The following CRACDL variants were observed in gnomAD, a reference collection of about 807,000 sequenced individuals.
CRACDL encodes CRACD-like protein.
CRACDL carries 26 observed loss-of-function variants against 70.6 expected under a neutral mutation model. That is an observed-to-expected ratio of 0.37 (90% confidence interval 0.27 to 0.51). The LOEUF (loss-of-function observed/expected upper bound fraction) is 0.51, where lower values mean the gene tolerates loss of function less well. Among genes scored for constraint, CRACDL ranks in the 20% least tolerant of loss-of-function variants. The pLI is 0.94. For missense variants in CRACDL, 1,283 were observed against 1,376.9 expected, an observed-to-expected ratio of 0.93 and a Z score of 1.08; for synonymous variants, 618 against 615.2, an observed-to-expected ratio of 1.00 and a Z score of -0.07.
chr2:98,887,985 T>C (rs1377473828), intron 1 of CRACDL, among the ~76,000 whole-genome samples: 1 of 152,188 alleles, frequency 6.6e-6, no homozygotes, highest in African/African-American at 2.4e-5. Flanking sequence ...GTTTTGGAAC[T>C]AGATACATGT....
At chr2:98,869,195 CCT>C (rs1707253541) in intron 1 of CRACDL, 1 of 1,303,942 alleles carries the variant, frequency 7.7e-7, no homozygotes, top group Admixed American at 2.3e-5. Flanking sequence ...GCCTCCCTTT[CCT>C]CTGAGTGGCC....
chr2:98,896,304 G>A (rs1258146391), intron 1 of CRACDL, among the ~76,000 whole-genome samples: 1 of 152,124 alleles, frequency 6.6e-6, no homozygotes, highest in East Asian at 1.9e-4. Context: ...GGAGAGTTTT[G>A]GACACATGCA....
chr2:98,817,399 C>T (rs919954398), intron 7 of CRACDL, among the ~76,000 whole-genome samples: 9 of 152,048 alleles, frequency 5.9e-5, no homozygotes, highest in African/African-American at 2.2e-4. Context: ...ATTCAAGAGA[C>T]AGGAATATAT....
At chr2:98,868,957 A>G (rs1707243956) in intron 1 of CRACDL, 1 of 434,590 alleles carries the variant, frequency 2.3e-6, no homozygotes, top group African/African-American at 2.0e-5. Context: ...AAGGTAACAG[A>G]CGCTGCAGAT....
chr2:98,889,343 G>GAAA lies in CRACDL; in HGVS notation c.-10-42534_-10-42533insTTT, dbSNP rs1558624683. Among the ~76,000 whole-genome samples the GAAA allele has an allele frequency of 3.4e-4, 49 of 143,772 alleles. 1 individual carries two copies. The highest frequency in any genetic ancestry group is 1.0e-3 in the African/African-American group (38 of 37,892). The allele number at this position is 143,772 out of a possible 152,430, so 94.3% of individuals were successfully genotyped here. On this transcript the variant is annotated intron_variant, in intron 1 of 9. Transcript: ENST00000397899. ...AGAAAGAAAGAAAGAAAGAAAGAAA[G>GAAA]GAAACAGTAACCAAAACAGAGCTGG...
At chr2:98,892,175 T>C (rs950306323) in intron 1 of CRACDL, among the ~76,000 whole-genome samples, 8 of 152,130 alleles carry the variant, frequency 5.3e-5, no homozygotes, top group Non-Finnish European at 2.9e-5. Context: ...ACCAGGCAAT[T>C]CCACCTCTGG....
At chr2:98,875,909 G>T (rs375926978) in intron 1 of CRACDL, among the ~76,000 whole-genome samples, 1 of 152,222 alleles carries the variant, frequency 6.6e-6, no homozygotes, top group South Asian at 2.1e-4. Flanking sequence ...GATTTGCCCC[G>T]GTGGGGCTGC....
chr2:98,837,587 A>C (rs931150485), intron 3 of CRACDL, among the ~76,000 whole-genome samples: 1 of 152,164 alleles, frequency 6.6e-6, no homozygotes, highest in Non-Finnish European at 1.5e-5. Context: ...TTACAAAAAT[A>C]AGGATTTCTT....
At chr2:98,882,145 G>A (rs1707669640) in intron 1 of CRACDL, among the ~76,000 whole-genome samples, 1 of 152,240 alleles carries the variant, frequency 6.6e-6, no homozygotes, top group African/African-American at 2.4e-5. Flanking sequence ...TCCTAGAAAT[G>A]GGAACTCAGC....
intron 1 of CRACDL, among the ~76,000 whole-genome samples, chr2:98,881,809 A>G (rs201878772): frequency 6.6e-6 from 1 of 151,844 alleles, no homozygotes; most frequent in Non-Finnish European, 1.5e-5. Context: ...CATGGCGGGG[A>G]GAGGAGGGAG....
chr2:98,860,966 G>A (rs1330752735), intron 1 of CRACDL, among the ~76,000 whole-genome samples: 7 of 152,146 alleles, frequency 4.6e-5, no homozygotes, highest in Admixed American at 2.0e-4. Context: ...CACAAAGAAG[G>A]CAAACTTACA....
At chr2:98,900,783 C>A (rs1363669383) in intron 1 of CRACDL, among the ~76,000 whole-genome samples, 1 of 152,166 alleles carries the variant, frequency 6.6e-6, no homozygotes, top group Non-Finnish European at 1.5e-5. Flanking sequence ...CTGAAAATGA[C>A]GCAAGGGCCC....
chr2:98,836,283 C>T (rs1009693766), intron 3 of CRACDL, among the ~76,000 whole-genome samples: 2 of 152,116 alleles, frequency 1.3e-5, no homozygotes, highest in African/African-American at 4.8e-5. Context: ...AGCTGTTTTC[C>T]CCACAGTGAT....
intron 1 of CRACDL, among the ~76,000 whole-genome samples, chr2:98,887,041 A>G (rs1707816063): frequency 1.3e-5 from 2 of 152,234 alleles, no homozygotes; most frequent in Admixed American, 6.5e-5. Flanking sequence ...AAGAGAACCA[A>G]TAGAAGGTCT....
chr2:98,853,383 A>G, intron 1 of CRACDL, among the ~76,000 whole-genome samples: 1 of 152,236 alleles, frequency 6.6e-6, no homozygotes, highest in East Asian at 1.9e-4. Context: ...TATATCCAGA[A>G]AAATTATCCT....
chr2:98,862,857 G>C (rs1296514176), intron 1 of CRACDL, among the ~76,000 whole-genome samples: 1 of 151,972 alleles, frequency 6.6e-6, no homozygotes, highest in African/African-American at 2.4e-5. Flanking sequence ...AGAGAAATGG[G>C]AGGAAGAATA....
At chr2:98,924,770 G>T (rs1708875214) in intron 1 of CRACDL, among the ~76,000 whole-genome samples, 1 of 152,168 alleles carries the variant, frequency 6.6e-6, no homozygotes, top group Non-Finnish European at 1.5e-5. Flanking sequence ...CACCCAGCAG[G>T]TCTTATTCCA....
At chr2:98,852,029 T>C (rs912221926) in intron 1 of CRACDL, among the ~76,000 whole-genome samples, 4 of 152,152 alleles carry the variant, frequency 2.6e-5, no homozygotes, top group African/African-American at 9.7e-5. Context: ...CTCTCAGGTA[T>C]GTGTGTTGTG....
intron 1 of CRACDL, among the ~76,000 whole-genome samples, chr2:98,854,133 T>A (rs1706596697): frequency 6.6e-6 from 1 of 151,444 alleles, no homozygotes; most frequent in Non-Finnish European, 1.5e-5. Context: ...AATACAAAAA[T>A]TAGCTGGGCG....
Sources: gnomAD v4.1 joint callset for allele counts (sites outside exome capture counted in the v4.1 genomes callset) on GRCh38, gnomAD v4.1.1 for gene constraint, MANE v1.5 for transcripts, NCBI Gene and HGNC (gene_info 2026-07-23, HGNC 2026-07-21) for gene names.